Variants in TTLL1 observed in about 807,000 individuals in gnomAD.
TTLL1 encodes polyglutamylase complex subunit TTLL1.
Under a neutral mutation model 47.8 loss-of-function variants are expected in TTLL1, and 33 were observed. That is an observed-to-expected ratio of 0.69 (90% CI 0.52 to 0.92). The LOEUF (loss-of-function observed/expected upper bound fraction) is 0.92, where lower values mean the gene tolerates loss of function less well. TTLL1 is among the 40% of genes least tolerant of loss of function. The pLI, the probability that TTLL1 is intolerant of heterozygous loss-of-function variation, is 0.00. For synonymous variants in TTLL1, 225 were observed against 214.1 expected, an observed-to-expected ratio of 1.05 and a Z score of -0.45; for missense variants, 488 against 547.5, an observed-to-expected ratio of 0.89 and a Z score of 1.08.
At chr22:43,087,908 G>A (rs1022379839) in intron 1 of TTLL1, among the ~76,000 whole-genome samples, 6 of 151,256 alleles carry the variant, frequency 4.0e-5, no homozygotes, top group African/African-American at 1.5e-4. Context: ...AGCACTTTGG[G>A]AGGCCGAGGT....
At chr22:43,070,526 C>T (rs1928049714) in intron 3 of TTLL1, among the ~76,000 whole-genome samples, 1 of 152,154 alleles carries the variant, frequency 6.6e-6, no homozygotes, top group African/African-American at 2.4e-5. Context: ...CCTGTGCCCC[C>T]AGCCTACCCC....
At chr22:43,052,991 C>T (rs546010655) in intron 8 of TTLL1, among the ~76,000 whole-genome samples, 254 of 151,738 alleles carry the variant, frequency 1.7e-3, no homozygotes, top group African/African-American at 5.7e-3. Flanking sequence ...ACCTGGGAGG[C>T]GGAGGTTGCA....
At chr22:43,067,211 CTCGGCTGTGCCCA>C (rs1009310201) in intron 5 of TTLL1, among the ~76,000 whole-genome samples, 1 of 152,228 alleles carries the variant, frequency 6.6e-6, no homozygotes, top group African/African-American at 2.4e-5. Flanking sequence ...CCACCACTTG[CTCGGCTGTGCCCA>C]TCGGCTGTGC....
intron 1 of TTLL1, among the ~76,000 whole-genome samples, chr22:43,086,677 G>C (rs1929249365): frequency 1.3e-5 from 2 of 152,136 alleles, no homozygotes; most frequent in South Asian, 2.1e-4. Flanking sequence ...GGAAGGAAGG[G>C]ATGGTTAATT....
chr22:43,074,459 GA>G (rs1053374930), intron 3 of TTLL1, among the ~76,000 whole-genome samples: 11 of 145,094 alleles, frequency 7.6e-5, no homozygotes, highest in East Asian at 2.0e-4. Flanking sequence ...AAGAAAGAAA[GA>G]AAAAAAAATA....
chr22:43,085,219 G>A lies in TTLL1; in HGVS notation c.-90+4058C>T, dbSNP rs376582509. ...TCTCCATCTCCTGACCTCGTGATCC[G>A]CCTGCCTCGGCCTCCCAAAGTGCTG... On this transcript the variant is annotated intron_variant, in intron 1 of 10. Transcript: ENST00000266254. 1.1e-4 allele frequency among the ~76,000 whole-genome samples: 16 copies of A among 152,060 alleles called. No homozygotes were observed. The East Asian group carries it at 1.6e-3, about 15-fold the overall frequency.
intron 7 of TTLL1, among the ~76,000 whole-genome samples, chr22:43,063,401 A>G (rs1431509290): frequency 2.0e-5 from 3 of 151,890 alleles, no homozygotes; most frequent in South Asian, 2.1e-4. Context: ...CTCTTTGAGT[A>G]TCACTTCTAT....
intron 5 of TTLL1, among the ~76,000 whole-genome samples, chr22:43,065,632 G>C (rs529588136): frequency 6.6e-6 from 1 of 152,114 alleles, no homozygotes; most frequent in African/African-American, 2.4e-5. Flanking sequence ...GCCCAGGCTG[G>C]AGTGCAGTGG....
At chr22:43,063,347 T>C (rs987621249) in intron 7 of TTLL1, among the ~76,000 whole-genome samples, 1 of 152,140 alleles carries the variant, frequency 6.6e-6, no homozygotes, top group Non-Finnish European at 1.5e-5. Flanking sequence ...GCCTGATGCC[T>C]AGAGCCTCCC....
intron 8 of TTLL1, among the ~76,000 whole-genome samples, chr22:43,057,879 A>G (rs1927124694): frequency 6.6e-6 from 1 of 151,834 alleles, no homozygotes; most frequent in African/African-American, 2.4e-5. Context: ...CCGTTTTCCC[A>G]GGAGTCATAT....
At chr22:43,080,314 C>G (rs1928793375) in intron 1 of TTLL1, among the ~76,000 whole-genome samples, 1 of 152,084 alleles carries the variant, frequency 6.6e-6, no homozygotes, top group Non-Finnish European at 1.5e-5. Flanking sequence ...CTCAGCCTCC[C>G]AAAGTGCTGG....
At chr22:43,053,635 T>C (rs867677058) in intron 8 of TTLL1, among the ~76,000 whole-genome samples, 3 of 152,188 alleles carry the variant, frequency 2.0e-5, no homozygotes, top group Admixed American at 2.0e-4. Flanking sequence ...GCCCCTCCCA[T>C]GTGCCTGTTT....
chr22:43,040,057 C>G (rs1341129787), intron 10 of TTLL1, 152 bp from the exon 11 acceptor site: 1 of 1,028,454 alleles, frequency 9.7e-7, no homozygotes, highest in Non-Finnish European at 1.4e-6. Context: ...CCGCCCACCT[C>G]CCACCTGGCT....
At chr22:43,057,898 C>T (rs1927127289) in intron 8 of TTLL1, among the ~76,000 whole-genome samples, 1 of 151,402 alleles carries the variant, frequency 6.6e-6, no homozygotes, top group African/African-American at 2.4e-5. Flanking sequence ...ATGCGAGTAA[C>T]AAAACACCCC....
chr22:43,071,968 C>T (rs1365333438), intron 3 of TTLL1, among the ~76,000 whole-genome samples: 1 of 150,824 alleles, frequency 6.6e-6, no homozygotes, highest in African/African-American at 2.4e-5. Flanking sequence ...GGCACCTTCT[C>T]ACAGGACAGC....
intron 3 of TTLL1, chr22:43,070,241 G>C (rs2076161): frequency 0.2 from 257,892 of 1,302,736 alleles, 36,930 homozygotes; most frequent in East Asian, 0.8. Flanking sequence ...AGGTCAAGGA[G>C]CCTTTAAAAA....
rs770144702 is a variant in TTLL1 at position 43,059,536 on chromosome 22, G to A, written c.748-9C>T. On this transcript the variant is annotated splice_polypyrimidine_tract_variant and intron_variant, in intron 7 of 10. Transcript: ENST00000266254. Reference sequence around the variant, plus strand: ...ATGTGGTTGTAGTCCTCCTGGTGACGGGAAAGCGGGCAGGCATCCCTCAGG... The same window carrying A: ...ATGTGGTTGTAGTCCTCCTGGTGACAGGAAAGCGGGCAGGCATCCCTCAGG... The A allele has an allele frequency of 1.2e-5, 19 of 1,609,760 alleles. No homozygotes were observed. Among genetic ancestry groups the A allele is most frequent in the African/African-American group, 2.7e-5 (2 of 74,952 alleles).
intron 10 of TTLL1, among the ~76,000 whole-genome samples, chr22:43,043,621 C>T (rs1321508647): frequency 1.3e-5 from 2 of 152,112 alleles, no homozygotes; most frequent in African/African-American, 2.4e-5. Context: ...ATCGCACCCA[C>T]CATGCCCTCT....
In TTLL1 at chr22:43,075,527, A is replaced by C. The variant is rs1233983994; in HGVS notation, c.60T>G (p.Phe20Leu). The C allele has an allele frequency of 1.2e-6, 2 of 1,614,164 alleles. No individual in the cohort carries two copies. Among genetic ancestry groups the C allele is most frequent in the African/African-American group, 2.7e-5 (2 of 75,050 alleles). ...DIEKSVLINN[F>L]EKRGWVQVTE... Reference sequence around the variant, plus strand: ...TCACTTGGACCCATCCTCTCTTTTCAAAGTTATTGATCAGCACTGACTTCT... The same window carrying C: ...TCACTTGGACCCATCCTCTCTTTTCCAAGTTATTGATCAGCACTGACTTCT... Residue 20 changes from phenylalanine (F) to leucine (L), a missense_variant, in exon 3 of 11, where the codon TTT becomes TTG. Coordinates refer to ENST00000266254, the MANE Select transcript of TTLL1 (RefSeq NM_012263.5).
Sources: allele counts gnomAD v4.1 joint callset (sites outside exome capture counted in the v4.1 genomes callset), GRCh38; gene constraint gnomAD v4.1.1; transcripts MANE v1.5; gene names NCBI Gene and HGNC (gene_info 2026-07-23, HGNC 2026-07-21).